GRIN2B: variants seen among roughly 807,000 people sequenced by gnomAD.
GRIN2B encodes glutamate receptor ionotropic, NMDA 2B.
A neutral mutation model predicts 114.5 loss-of-function variants in GRIN2B; 5 were observed. That is an observed-to-expected ratio of 0.04 (90% CI 0.02 to 0.09). The LOEUF (loss-of-function observed/expected upper bound fraction) is 0.09, where lower values mean the gene tolerates loss of function less well. Among genes scored for constraint, GRIN2B ranks in the 10% least tolerant of loss-of-function variants. The probability of loss-of-function intolerance (pLI) is 1.00; values close to 1 mark genes in which losing one functional copy is unlikely to be tolerated. For missense variants in GRIN2B, 1,108 were observed against 1,943.5 expected, an observed-to-expected ratio of 0.57 and a Z score of 8.08; for synonymous variants, 787 against 745.1, an observed-to-expected ratio of 1.06 and a Z score of -0.92.
chr12:13,646,644 T>TTCC (rs745510781), intron 5 of GRIN2B, among the ~76,000 whole-genome samples: 2 of 151,894 alleles, frequency 1.3e-5, no homozygotes, highest in African/African-American at 4.8e-5. Context: ...CTTCCTCTTC[T>TTCC]TCCTCCTCCT....
In GRIN2B at chr12:13,547,981, A is replaced by ATATATATATATATATATATATATATTTTT; in HGVS notation, c.*14801_*14802insAAAAATATATATATATATATATATATATA. The ATATATATATATATATATATATATATTTTT allele has an allele frequency of 5.8e-5, 4 of 68,596 alleles. No homozygotes were observed. Among genetic ancestry groups the ATATATATATATATATATATATATATTTTT allele is most frequent in the African/African-American group, 1.4e-4 (3 of 21,784 alleles). The allele number at this position is 68,596 out of a possible 1,614,324, so 4.2% of individuals were successfully genotyped here. On this transcript the variant is annotated 3_prime_UTR_variant, in exon 14 of 14. Coordinates refer to ENST00000609686, the MANE Select transcript of GRIN2B (RefSeq NM_000834.5). ...TGTGTATATATATATATATATATAT[A>ATATATATATATATATATATATATATTTTT]TTTTTTTTTTTTTTCTGAAAGCTAC...
chr12:13,885,045 A>T (rs550557795), intron 2 of GRIN2B, among the ~76,000 whole-genome samples: 4 of 152,196 alleles, frequency 2.6e-5, no homozygotes, highest in Non-Finnish European at 4.4e-5. Flanking sequence ...CGTGTAGAAG[A>T]TAATCAGGCC....
Position 13,539,413 on chromosome 12 carries a change from G to A in GRIN2B, c.*23370C>T, listed in dbSNP as rs1948250494. The A allele has an allele frequency of 6.6e-6, 1 of 152,176 alleles. No homozygotes were observed. Among genetic ancestry groups the A allele is most frequent in the South Asian group, 2.1e-4 (1 of 4,830 alleles). 9.4% of individuals were successfully genotyped at this position (152,176 alleles called of 1,614,324 possible). On this transcript the variant is annotated 3_prime_UTR_variant, in exon 14 of 14. Transcript: ENST00000609686. ...CATGTGAAAAGCTAAATATGTCTAT[G>A]CTATTTTCTTACCAAGATAGCTAAG... is the stretch of plus-strand genomic sequence containing the variant.
chr12:13,643,707 C>T (rs1407054987), intron 5 of GRIN2B, among the ~76,000 whole-genome samples: 2 of 152,134 alleles, frequency 1.3e-5, no homozygotes, highest in Non-Finnish European at 2.9e-5. Flanking sequence ...CCTACTACTG[C>T]TTTATCAACT....
chr12:13,805,797 A>T (rs1353503919), intron 3 of GRIN2B, among the ~76,000 whole-genome samples: 1 of 152,132 alleles, frequency 6.6e-6, no homozygotes, highest in Non-Finnish European at 1.5e-5. Flanking sequence ...CATTGTTATT[A>T]ACTATAGTCA....
intron 4 of GRIN2B, among the ~76,000 whole-genome samples, chr12:13,735,201 A>G (rs1863157600): frequency 6.6e-6 from 1 of 152,242 alleles, no homozygotes. Flanking sequence ...TTGAGCCAAT[A>G]AAACATGGTT....
chr12:13,623,253 A>G (rs1434513598), intron 5 of GRIN2B, among the ~76,000 whole-genome samples: 1 of 152,184 alleles, frequency 6.6e-6, no homozygotes, highest in Admixed American at 6.5e-5. Flanking sequence ...GATATTTATG[A>G]TATTTCCAAA....
intron 3 of GRIN2B, among the ~76,000 whole-genome samples, chr12:13,810,721 T>C (rs1026673533): frequency 2.0e-5 from 3 of 152,222 alleles, no homozygotes; most frequent in African/African-American, 7.2e-5. Context: ...TTAATAGTTA[T>C]TGCACTTCTA....
chr12:13,637,169 A>G (rs1390084124), intron 5 of GRIN2B, among the ~76,000 whole-genome samples: 1 of 152,194 alleles, frequency 6.6e-6, no homozygotes, highest in Non-Finnish European at 1.5e-5. Context: ...GGATTTTATA[A>G]TCTTGTACTC....
At chr12:13,705,541 T>G (rs1950352471) in intron 4 of GRIN2B, among the ~76,000 whole-genome samples, 1 of 152,110 alleles carries the variant, frequency 6.6e-6, no homozygotes, top group Non-Finnish European at 1.5e-5. Flanking sequence ...TTATGTCTGT[T>G]AACACATTAA....
chr12:13,694,675 ATATATATATATATATATATATATATAT>A (rs1950244565), intron 4 of GRIN2B, among the ~76,000 whole-genome samples: 1 of 97,176 alleles, frequency 1.0e-5, no homozygotes, highest in Non-Finnish European at 2.3e-5. Context: ...ATATATATAT[ATATATATATATATATATATATATATAT>A]AAATTAATTA....
Position 13,547,981 on chromosome 12 carries a change from A to ATATATATTTTTTTTT in GRIN2B, c.*14801_*14802insAAAAAAAAATATATA. 7 of 68,596 alleles carry ATATATATTTTTTTTT rather than the reference A, an allele frequency of 1.0e-4. No homozygotes were observed. The highest frequency in any genetic ancestry group is 2.8e-4 in the African/African-American group (6 of 21,784). 4.2% of individuals were successfully genotyped at this position (68,596 alleles called of 1,614,324 possible). On this transcript the variant is annotated 3_prime_UTR_variant, in exon 14 of 14. Coordinates refer to ENST00000609686, the MANE Select transcript of GRIN2B (RefSeq NM_000834.5). Reference sequence around the variant, plus strand: ...TGTGTATATATATATATATATATATATTTTTTTTTTTTTTCTGAAAGCTAC... The same window carrying ATATATATTTTTTTTT: ...TGTGTATATATATATATATATATATATATATATTTTTTTTTTTTTTTTTTTTTTTCTGAAAGCTAC...
intron 3 of GRIN2B, among the ~76,000 whole-genome samples, chr12:13,767,249 ACT>A (rs1312136081): frequency 7.7e-6 from 1 of 130,234 alleles, no homozygotes; most frequent in Non-Finnish European, 1.6e-5. Flanking sequence ...GAAAGTACAG[ACT>A]CTGTCTCAAA....
chr12:13,616,311 C>T (rs1458822001), intron 6 of GRIN2B, 144 bp downstream of exon 6: 1 of 703,416 alleles, frequency 1.4e-6, no homozygotes, highest in African/African-American at 1.8e-5. Context: ...AGAGGGCTGC[C>T]AGTAATCCCA....
rs1281476741 is a variant in GRIN2B, at chr12:13,557,529, C to T, written c.*5254G>A. 1 of 152,200 alleles carries T rather than the reference C, an allele frequency of 6.6e-6. No homozygotes were observed. The highest frequency in any genetic ancestry group is 1.5e-5 in the Non-Finnish European group (1 of 68,032). 9.4% of individuals were successfully genotyped at this position (152,200 alleles called of 1,614,324 possible). A position where few individuals can be genotyped will look rare whatever the true frequency, so the allele number is the denominator to read the frequency against. On this transcript the variant is annotated 3_prime_UTR_variant, in exon 14 of 14. Transcript: ENST00000609686. ...AACATGTAATGGAGGAGAAGCATCA[C>T]TCTTCTATTTTCTATGGAAAGAATC... is the stretch of plus-strand genomic sequence containing the variant.
At position 13,974,860 on chromosome 12, in the gene GRIN2B, A is replaced by C. The variant is rs185230099; in HGVS notation, c.-19+5068T>G. On this transcript the variant is annotated intron_variant, in intron 2 of 13. Transcript: ENST00000609686. ...GAACAAAGCAAAAGACATGAAAATA[A>C]ATGAAGTTAAAAGAACAGTGTAAAA... Among the ~76,000 whole-genome samples the C allele has an allele frequency of 2.6e-5, 4 of 152,342 alleles. No homozygotes were observed. The East Asian group carries it at 7.7e-4, about 29-fold the overall frequency.
intron 2 of GRIN2B, among the ~76,000 whole-genome samples, chr12:13,868,914 A>G (rs1011551643): frequency 6.6e-6 from 1 of 152,188 alleles, no homozygotes; most frequent in Non-Finnish European, 1.5e-5. Flanking sequence ...TCAATTTCCA[A>G]CATTAAAAGG....
At chr12:13,570,077 G>A in intron 11 of GRIN2B, 60 bp from the exon 12 acceptor site, 1 of 1,161,692 alleles carries the variant, frequency 8.6e-7, no homozygotes, top group Admixed American at 1.8e-5. Context: ...ACTACCTGTG[G>A]GGCCATTAAT....
chr12:13,591,421 A>C (rs1035085592), intron 10 of GRIN2B, among the ~76,000 whole-genome samples: 1 of 152,224 alleles, frequency 6.6e-6, no homozygotes, highest in Non-Finnish European at 1.5e-5. Flanking sequence ...TCTAAGCTTT[A>C]CAAAGAGTAA....
Sources: gnomAD v4.1 joint callset for allele counts (sites outside exome capture counted in the v4.1 genomes callset) on GRCh38, gnomAD v4.1.1 for gene constraint, MANE v1.5 for transcripts, NCBI Gene and HGNC (gene_info 2026-07-23, HGNC 2026-07-21) for gene names.